IRS2: variants seen among roughly 807,000 people sequenced by gnomAD.
The protein encoded by IRS2 is insulin receptor substrate 2.
A neutral mutation model predicts 70.9 loss-of-function variants in IRS2; 28 were observed. The ratio of observed to expected loss-of-function variants is 0.39; its 90% CI spans 0.29 to 0.54. The LOEUF (loss-of-function observed/expected upper bound fraction) is 0.54. IRS2 is among the 20% of genes least tolerant of loss of function. The pLI is 0.59. For synonymous variants in IRS2, 1,217 were observed against 981.9 expected (o/e 1.24, Z -4.48); for missense variants, 2,081 against 2,024.1 (o/e 1.03, Z -0.54).
Position 109,784,763 on chromosome 13 carries a change from T to C in IRS2, c.1291A>G (p.Met431Val). 8.0e-7 allele frequency: 1 copy of C among 1,247,652 alleles called. No individual in the cohort carries two copies. The highest frequency in any genetic ancestry group is 1.0e-6 in the Non-Finnish European group (1 of 997,282). The allele number at this position is 1,247,652 out of a possible 1,614,324, so 77.3% of individuals were successfully genotyped here. The change falls in exon 1 of 2, where the codon ATG (methionine) becomes GTG (valine). Residue 431 changes from methionine (M) to valine (V), a missense_variant. By Grantham distance (21) the Met-to-Val change is conservative. Coordinates refer to ENST00000375856, the MANE Select transcript of IRS2 (RefSeq NM_003749.3). This position sits in a 1 kb window ranked among gnomAD's most constrained non-coding sequence, Gnocchi z 5.2. ...GGCGAGTGCGCCACGGGCATGGACATGGAGCGGCTGTGTTGCAGCGCGCCC... is the reference window on the plus strand; with the variant it reads ...GGCGAGTGCGCCACGGGCATGGACACGGAGCGGCTGTGTTGCAGCGCGCCC... The part of the protein sequence containing the change: ...AGGALQHSRS[M>V]SMPVAHSPPA...
chr13:109,783,632 G>C lies in IRS2; in HGVS notation c.2422C>G (p.Arg808Gly). 1.3e-6 allele frequency: 2 copies of C among 1,550,032 alleles called. No individual in the cohort carries two copies. The highest frequency in any genetic ancestry group is 1.2e-5 in the South Asian group (1 of 84,420). Residue 808 changes from arginine to glycine, a missense_variant, in exon 1 of 2, where the codon CGC becomes GGC. Transcript: ENST00000375856. ...CAGGTGTAGGGGGCCTTGTAGGAGC[G>C]GGGCAAGGAGCTGTAGCAGCAGCCG... is the stretch of plus-strand genomic sequence containing the variant. Reference protein sequence around the residue: ...VPGCCYSSLPRSYKAPYTCGG... With the variant: ...VPGCCYSSLPGSYKAPYTCGG...
rs968352411 is a variant in IRS2 at position 109,753,293 on chromosome 13, A to G, written c.*3011T>C. ...GCATTCTTAATGTATGCATTGGTAC[A>G]TCTTCTGTGTGCATGTCATGGAGGG... On this transcript the variant is annotated 3_prime_UTR_variant, in exon 2 of 2. Coordinates refer to ENST00000375856, the MANE Select transcript of IRS2 (RefSeq NM_003749.3). 1 of 152,096 alleles carries G rather than the reference A, an allele frequency of 6.6e-6. No homozygotes were observed. Among genetic ancestry groups the G allele is most frequent in the Non-Finnish European group, 1.5e-5 (1 of 67,998 alleles). The allele number at this position is 152,096 out of a possible 1,614,324, so 9.4% of individuals were successfully genotyped here.
intron 1 of IRS2, among the ~76,000 whole-genome samples, chr13:109,760,821 C>T (rs1243402141): frequency 6.6e-6 from 1 of 152,186 alleles, no homozygotes. Flanking sequence ...GTGATTAAGA[C>T]AAGGAGGAAA....
intron 1 of IRS2, among the ~76,000 whole-genome samples, chr13:109,761,053 T>C (rs575775483): frequency 6.6e-6 from 1 of 152,384 alleles, no homozygotes; most frequent in East Asian, 1.9e-4. Context: ...ACAATTTGGG[T>C]TTGGACATGT....
rs1335862806 is a variant in IRS2 at position 109,783,857 on chromosome 13, C to T, written c.2197G>A (p.Ala733Thr). Residue 733 changes from alanine (A) to threonine (T), a missense_variant, in exon 1 of 2, where the codon GCC (alanine) becomes ACC (threonine). Ala to Thr is a moderately conservative substitution (Grantham distance 58). Transcript: ENST00000375856. Reference sequence around the variant, plus strand: ...CCACTGTCCTCGGGGGAGCTCTCGGCGGGCGAGCTGGCCTTGTAGCCGCCC... The same window carrying T: ...CCACTGTCCTCGGGGGAGCTCTCGGTGGGCGAGCTGGCCTTGTAGCCGCCC... Reference protein sequence around the residue: ...SGGGYKASSPAESSPEDSGYM... With the variant: ...SGGGYKASSPTESSPEDSGYM... 2 of 1,558,200 alleles carry T rather than the reference C, an allele frequency of 1.3e-6. No individual in the cohort carries two copies. The highest frequency in any genetic ancestry group is 8.7e-7 in the Non-Finnish European group (1 of 1,151,460).
Position 109,783,482 on chromosome 13 carries a change from G to T in IRS2, c.2572C>A (p.Pro858Thr). The T allele has an allele frequency of 6.5e-7, 1 of 1,542,896 alleles. No individual in the cohort carries two copies. Among genetic ancestry groups the T allele is most frequent in the Non-Finnish European group, 8.7e-7 (1 of 1,145,712 alleles). ...ACTACAGGGTGAGGGGGCTGCGTGG[G>T]GCCGGCCCCGAAGGCGCTGGCCGCC... ...SQAASAFGAG[P>T]TQPPHPVVPS... Residue 858 changes from proline (P) to threonine (T), a missense_variant, in exon 1 of 2, where the codon CCC (proline) becomes ACC (threonine). This residue lies in a region of IRS2 where 1,615 missense variants were observed against 1,459.5 expected (regional missense o/e 1.11). Coordinates refer to ENST00000375856, the MANE Select transcript of IRS2 (RefSeq NM_003749.3).
chr13:109,767,728 C>CTTTT (rs748211544), intron 1 of IRS2, among the ~76,000 whole-genome samples: 22 of 119,782 alleles, frequency 1.8e-4, no homozygotes, highest in Non-Finnish European at 2.7e-4. Context: ...ACCATTTTTC[C>CTTTT]TTTTTTTTTT....
rs1877889686 is a variant in IRS2, at chr13:109,785,468, C to G, written c.586G>C (p.Glu196Gln). The change falls in exon 1 of 2, where the codon GAG becomes CAG. Residue 196 changes from glutamate to glutamine, a missense_variant. Glu to Gln is a conservative substitution (Grantham distance 29, BLOSUM62 2). Transcript: ENST00000375856. This position sits in a 1 kb window ranked among gnomAD's most constrained non-coding sequence, Gnocchi z 9.3. ...GGCTTCAGGTTCACCTGCCACACCT[C>G]ACGGTAGGCGGCCGTGGCGGGAGCC... ...LVAPATAAYR[E>Q]VWQVNLKPKG... The G allele has an allele frequency of 6.2e-7, 1 of 1,612,022 alleles. No homozygotes were observed. The highest frequency in any genetic ancestry group is 1.1e-5 in the South Asian group (1 of 91,084).
In IRS2 at chr13:109,784,016, G is replaced by A; in HGVS notation, c.2038C>T (p.Pro680Ser). Residue 680 changes from proline to serine, a missense_variant, in exon 1 of 2, where the codon CCC becomes TCC. Coordinates refer to ENST00000375856, the MANE Select transcript of IRS2 (RefSeq NM_003749.3). This position sits in a 1 kb window ranked among gnomAD's most constrained non-coding sequence, Gnocchi z 5.2. ...TGCTTGGGGGCGGACACGCTGGCGG[G>A]GCTCATGGGCATGTAGTCGTCGCTC... ...CRSDDYMPMS[P>S]ASVSAPKQIL... 6.5e-7 allele frequency: 1 copy of A among 1,536,908 alleles called. No individual in the cohort carries two copies. Among genetic ancestry groups the A allele is most frequent in the Non-Finnish European group, 8.7e-7 (1 of 1,146,230 alleles).
In IRS2 at chr13:109,784,035, G is replaced by A. The variant is rs947751554; in HGVS notation, c.2019C>T (p.Asp673=). The A allele has an allele frequency of 3.9e-6, 6 of 1,541,496 alleles. No individual in the cohort carries two copies. Among genetic ancestry groups the A allele is most frequent in the African/African-American group, 2.7e-5 (2 of 73,350 alleles). Residue 673 remains aspartate, a synonymous_variant, in exon 1 of 2, where the codon GAC becomes GAT. Transcript: ENST00000375856. This position sits in a 1 kb window ranked among gnomAD's most constrained non-coding sequence, Gnocchi z 5.2. The part of the protein sequence containing the change: ...AGSGSGSCRS[D]DYMPMSPASV... Reference sequence around the variant, plus strand: ...TGGCGGGGCTCATGGGCATGTAGTCGTCGCTCCTGCAGCTGCCGCTCCCAC... The same window carrying A: ...TGGCGGGGCTCATGGGCATGTAGTCATCGCTCCTGCAGCTGCCGCTCCCAC...
rs1413347414 is a variant in IRS2, at chr13:109,782,374, C to T, written c.3680G>A (p.Gly1227Asp). Residue 1227 changes from glycine (G) to aspartate (D), a missense_variant, in exon 1 of 2, where the codon GGC becomes GAC. Physicochemically the swap from Gly to Asp is moderately conservative, Grantham distance 94. Around this residue, in one of 4 missense-constraint regions of IRS2, gnomAD observed 1,615 missense variants for 1,459.5 expected, o/e 1.11. Coordinates refer to ENST00000375856, the MANE Select transcript of IRS2 (RefSeq NM_003749.3). ...ACCGCTCCCAGGACAACCGACCAAGCCCCCGGGCTGACCCGGGGTCCACGG... is the reference window on the plus strand; with the variant it reads ...ACCGCTCCCAGGACAACCGACCAAGTCCCCGGGCTGACCCGGGGTCCACGG... ...GRPWTPGQPG[G>D]LVGCPGSGGS... 1.9e-6 allele frequency: 3 copies of T among 1,611,230 alleles called. No homozygotes were observed. The highest frequency in any genetic ancestry group is 2.5e-6 in the Non-Finnish European group (3 of 1,179,192).
intron 1 of IRS2, among the ~76,000 whole-genome samples, chr13:109,776,466 A>AT (rs1467638319): frequency 4.6e-5 from 7 of 152,210 alleles, no homozygotes; most frequent in Non-Finnish European, 1.0e-4. Context: ...CAAATTGACT[A>AT]TTTTATCATT....
intron 1 of IRS2, among the ~76,000 whole-genome samples, chr13:109,775,056 G>A (rs1334082604): frequency 6.6e-6 from 1 of 151,112 alleles, no homozygotes; most frequent in Non-Finnish European, 1.5e-5. Context: ...CATACAGAAA[G>A]CACTGTATCA....
In IRS2 at chr13:109,783,893, G is replaced by A. The variant is rs774858350; in HGVS notation, c.2161C>T (p.Pro721Ser). 1.3e-6 allele frequency: 2 copies of A among 1,547,332 alleles called. No homozygotes were observed. The highest frequency in any genetic ancestry group is 3.9e-5 in the Admixed American group (2 of 51,086). Residue 721 changes from proline to serine, a missense_variant, in exon 1 of 2, where the codon CCG becomes TCG. Coordinates refer to ENST00000375856, the MANE Select transcript of IRS2 (RefSeq NM_003749.3). ...GCCTTGTAGCCGCCCCCGCTCGCCG[G>A]GAATGTCCTGCCCGCCGCAGAGGTG... Reference protein sequence around the residue: ...APTSAAGRTFPASGGGYKASS... With the variant: ...APTSAAGRTFSASGGGYKASS...
At chr13:109,770,630 C>T (rs920840249) in intron 1 of IRS2, among the ~76,000 whole-genome samples, 6 of 152,116 alleles carry the variant, frequency 3.9e-5, no homozygotes, top group African/African-American at 1.4e-4. Context: ...TCTCTGTGCT[C>T]AGCCAAGATT....
Position 109,752,960 on chromosome 13 carries a change from C to CTTTTTTT in IRS2, c.*3337_*3343dup, listed in dbSNP as rs11397558. On this transcript the variant is annotated 3_prime_UTR_variant, in exon 2 of 2. Transcript: ENST00000375856. ...GTGTCATGGAGGCAGCATTCTTCTT[C>CTTTTTTT]TTTTTTTTTTTTTTTTTTGAGACGG... 10 of 120,340 alleles carry CTTTTTTT rather than the reference C, an allele frequency of 8.3e-5. No homozygotes were observed. Among genetic ancestry groups the CTTTTTTT allele is most frequent in the Non-Finnish European group, 1.2e-4 (7 of 60,832 alleles). The allele number at this position is 120,340 out of a possible 1,614,324, so 7.5% of individuals were successfully genotyped here.
Position 109,785,813 on chromosome 13 carries a change from T to G in IRS2, c.241A>C (p.Lys81Gln). The G allele has an allele frequency of 6.3e-7, 1 of 1,580,152 alleles. No homozygotes were observed. Among genetic ancestry groups the G allele is most frequent in the Non-Finnish European group, 8.5e-7 (1 of 1,171,070 alleles). Residue 81 changes from lysine to glutamine, a missense_variant, in exon 1 of 2, where the codon AAG (lysine) becomes CAG (glutamine). Around this residue, in one of 4 missense-constraint regions of IRS2, gnomAD observed 320 missense variants for 352.9 expected, o/e 0.91. Coordinates refer to ENST00000375856, the MANE Select transcript of IRS2 (RefSeq NM_003749.3). This position sits in a 1 kb window ranked among gnomAD's most constrained non-coding sequence, Gnocchi z 9.3. Reference protein sequence around the residue: ...PRLEYYESEKKWRSKAGAPKR... With the variant: ...PRLEYYESEKQWRSKAGAPKR... ...GGCGCGCCTGCCTTGCTCCGCCACT[T>G]TTTCTCGCTCTCGTAGTACTCGAGC...
chr13:109,758,829 CAAAAA>C (rs3049004), intron 1 of IRS2, among the ~76,000 whole-genome samples: 1 of 103,024 alleles, frequency 9.7e-6, no homozygotes. Flanking sequence ...AGATGGCTGA[CAAAAA>C]AAAAAAAAAA....
Position 109,783,372 on chromosome 13 carries a change from G to T in IRS2, c.2682C>A (p.Ser894=), listed in dbSNP as rs763944537. Residue 894 remains serine (S), a synonymous_variant, in exon 1 of 2, where the codon TCC becomes TCA. Coordinates refer to ENST00000375856, the MANE Select transcript of IRS2 (RefSeq NM_003749.3). The part of the protein sequence containing the change: ...RGRAVRPTRL[S]LEGLPSLPSM... ...TGGGCAGGCTGGGCAGCCCCTCCAG[G>T]GACAGGCGCGTGGGCCTCACCGCCC... The T allele has an allele frequency of 8.5e-6, 13 of 1,530,380 alleles. No individual in the cohort carries two copies. The African/African-American group carries it at 1.9e-4, about 22-fold the overall frequency. The allele number at this position is 1,530,380 out of a possible 1,614,324, so 94.8% of individuals were successfully genotyped here. A position where few individuals can be genotyped will look rare whatever the true frequency, so the allele number is the denominator to read the frequency against.
Sources: allele counts gnomAD v4.1 joint callset (sites outside exome capture counted in the v4.1 genomes callset), GRCh38; gene constraint gnomAD v4.1.1; regional missense constraint gnomAD v4.1.1; non-coding constraint Gnocchi (gnomAD v3.1); transcripts MANE v1.5; gene names NCBI Gene and HGNC (gene_info 2026-07-23, HGNC 2026-07-21).